Variants in RGL1 observed in about 807,000 individuals in gnomAD.
RGL1 encodes the protein ral guanine nucleotide dissociation stimulator like 1.
In RGL1, 24 loss-of-function variants were observed where a neutral mutation model predicts 95.2. The ratio of observed to expected loss-of-function variants is 0.25; its 90% CI spans 0.18 to 0.35. RGL1 has a LOEUF of 0.35. RGL1 is among the 10% of genes least tolerant of loss of function. The pLI is 1.00. For missense variants in RGL1, 715 were observed against 936.3 expected (o/e 0.76, Z 3.08); for synonymous variants, 329 against 344.9 (o/e 0.95, Z 0.51).
chr1:183,780,717 C>T (rs190638654), intron 2 of RGL1, among the ~76,000 whole-genome samples: 5 of 152,250 alleles, frequency 3.3e-5, no homozygotes, highest in East Asian at 1.9e-4. Flanking sequence ...ACTTTCAGCG[C>T]GGTGGACTCT....
intron 11 of RGL1, among the ~76,000 whole-genome samples, 166 bp from the exon 12 acceptor site, chr1:183,902,402 A>T (rs1302595046): frequency 2.0e-5 from 3 of 152,198 alleles, no homozygotes; most frequent in Non-Finnish European, 2.9e-5. Context: ...TACTTTTTTT[A>T]AAAGCAAAAC....
chr1:183,827,397 A>T (rs552888279), intron 2 of RGL1, among the ~76,000 whole-genome samples: 44 of 152,314 alleles, frequency 2.9e-4, no homozygotes, highest in African/African-American at 9.9e-4. Context: ...AGAGAAATAT[A>T]TGGCAGCTAA....
chr1:183,867,098 C>G (rs994490464), intron 4 of RGL1, among the ~76,000 whole-genome samples: 1 of 152,150 alleles, frequency 6.6e-6, no homozygotes, highest in Non-Finnish European at 1.5e-5. Flanking sequence ...GAAATTCAGT[C>G]ACAGACATAA....
intron 1 of RGL1, among the ~76,000 whole-genome samples, chr1:183,642,012 T>C (rs1247339565): frequency 6.6e-6 from 1 of 151,938 alleles, no homozygotes; most frequent in Non-Finnish European, 1.5e-5. Context: ...ATTACCACTA[T>C]TAACTCTTTA....
At chr1:183,917,524 C>G (rs1669050878) in intron 16 of RGL1, among the ~76,000 whole-genome samples, 2 of 152,232 alleles carry the variant, frequency 1.3e-5, no homozygotes, top group South Asian at 4.1e-4. Context: ...TGAAGGCACA[C>G]TCAGTGCTTA....
At chr1:183,656,634 A>G (rs12024315) in intron 1 of RGL1, among the ~76,000 whole-genome samples, 12,430 of 152,242 alleles carry the variant, frequency 0.082, 994 homozygotes, top group African/African-American at 0.21. Flanking sequence ...ATGCAGCAGC[A>G]CTGGAGATGC....
At chr1:183,738,116 A>G (rs1333962723) in intron 1 of RGL1, among the ~76,000 whole-genome samples, 1 of 152,116 alleles carries the variant, frequency 6.6e-6, no homozygotes, top group African/African-American at 2.4e-5. Flanking sequence ...AGCCTTGACT[A>G]TGTGTTTTAA....
chr1:183,702,061 T>C (rs941567589), intron 1 of RGL1, among the ~76,000 whole-genome samples: 1 of 152,250 alleles, frequency 6.6e-6, no homozygotes, highest in South Asian at 2.1e-4. Context: ...ACTCTAGCTA[T>C]GATACCTGAC....
At chr1:183,774,677 G>A (rs1402547114) in intron 2 of RGL1, among the ~76,000 whole-genome samples, 3 of 148,678 alleles carry the variant, frequency 2.0e-5, no homozygotes, top group Non-Finnish European at 4.4e-5. Context: ...CTGGGTTTAA[G>A]TGATTCTTCT....
chr1:183,859,948 G>A (rs552117334), intron 3 of RGL1, among the ~76,000 whole-genome samples: 1 of 152,138 alleles, frequency 6.6e-6, no homozygotes, highest in Non-Finnish European at 1.5e-5. Flanking sequence ...CACACTTCTT[G>A]CTGATCTGTG....
intron 2 of RGL1, among the ~76,000 whole-genome samples, chr1:183,833,880 A>G (rs1663439824): frequency 6.6e-6 from 1 of 151,748 alleles, no homozygotes. Flanking sequence ...TTTTAGTTAT[A>G]TAGTATTGAT....
chr1:183,886,113 C>T (rs1402932624), intron 7 of RGL1, among the ~76,000 whole-genome samples: 1 of 151,968 alleles, frequency 6.6e-6, no homozygotes, highest in East Asian at 1.9e-4. Context: ...TTCCTTGAGC[C>T]CCTATTGATA....
chr1:183,740,081 A>C (rs939767029), intron 1 of RGL1, among the ~76,000 whole-genome samples: 3 of 152,206 alleles, frequency 2.0e-5, no homozygotes, highest in African/African-American at 7.2e-5. Context: ...TATTATTTAC[A>C]GTATTATCTC....
intron 1 of RGL1, among the ~76,000 whole-genome samples, chr1:183,662,904 G>A (rs1445087984): frequency 3.3e-5 from 5 of 152,096 alleles, no homozygotes; most frequent in African/African-American, 9.7e-5. Flanking sequence ...CACAAATAAC[G>A]CCGCATATCT....
At chr1:183,643,481 A>AG (rs906089201) in intron 1 of RGL1, among the ~76,000 whole-genome samples, 4 of 151,764 alleles carry the variant, frequency 2.6e-5, no homozygotes, top group Non-Finnish European at 5.9e-5. Context: ...TTAGTAGAGA[A>AG]GGGGTTTCAC....
intron 16 of RGL1, among the ~76,000 whole-genome samples, chr1:183,918,688 C>T (rs1351613702): frequency 2.0e-5 from 3 of 152,168 alleles, no homozygotes; most frequent in East Asian, 1.9e-4. Context: ...TCTGAGATTC[C>T]TCCTTCCCCA....
chr1:183,760,568 C>CAAAAAA (rs58715145), intron 2 of RGL1, among the ~76,000 whole-genome samples: 118 of 50,700 alleles, frequency 2.3e-3, no homozygotes, highest in African/African-American at 3.5e-3. Context: ...CCAGTCTCTG[C>CAAAAAA]AAAAAAAAAA....
chr1:183,852,483 G>A (rs2102552443), intron 3 of RGL1, among the ~76,000 whole-genome samples: 1 of 152,216 alleles, frequency 6.6e-6, no homozygotes, highest in South Asian at 2.1e-4. Context: ...GGGGCTTTGA[G>A]ATTTTCTTTT....
intron 2 of RGL1, among the ~76,000 whole-genome samples, chr1:183,799,069 A>AT (rs1426489844): frequency 1.3e-5 from 2 of 149,930 alleles, no homozygotes; most frequent in African/African-American, 4.9e-5. Context: ...TGCCTGGCTA[A>AT]TTTTTTGTAT....
Sources: gnomAD v4.1 joint callset for allele counts (sites outside exome capture counted in the v4.1 genomes callset) on GRCh38, gnomAD v4.1.1 for gene constraint, MANE v1.5 for transcripts, NCBI Gene and HGNC (gene_info 2026-07-23, HGNC 2026-07-21) for gene names.